The following RNF212B variants were observed in gnomAD, a reference collection of about 807,000 sequenced individuals.
The protein encoded by RNF212B is E3 ubiquitin-protein ligase RNF212B.
In RNF212B, 52 loss-of-function variants were observed where a neutral mutation model predicts 55.5. The ratio of observed to expected loss-of-function variants is 0.94; its 90% CI spans 0.75 to 1.18. The LOEUF is 1.18. Ranked by LOEUF, RNF212B falls within the 50% of genes most tolerant of loss-of-function variation. The probability of loss-of-function intolerance (pLI) is 0.00; values close to 1 mark genes in which losing one functional copy is unlikely to be tolerated. For missense variants in RNF212B, 289 were observed against 350.4 expected, an observed-to-expected ratio of 0.82 and a Z score of 1.40; for synonymous variants, 99 against 121.4, an observed-to-expected ratio of 0.82 and a Z score of 1.21.
At chr14:23,243,377 TAC>T in intron 3 of RNF212B, 69 bp downstream of exon 3, 1 of 1,277,536 alleles carries the variant, frequency 7.8e-7, no homozygotes, top group Non-Finnish European at 1.1e-6. Context: ...ATATACAAAG[TAC>T]AGATGATGAA....
chr14:23,240,727 C>A (rs1246119979), intron 2 of RNF212B, among the ~76,000 whole-genome samples: 3 of 152,122 alleles, frequency 2.0e-5, no homozygotes, highest in Non-Finnish European at 4.4e-5. Context: ...GCATCAGATT[C>A]TTCAGGGAAA....
At chr14:23,229,730 T>C (rs1882389541) in intron 2 of RNF212B, among the ~76,000 whole-genome samples, 1 of 152,328 alleles carries the variant, frequency 6.6e-6, no homozygotes. Flanking sequence ...TTTAATTGGG[T>C]TGTTTGACTT....
intron 2 of RNF212B, among the ~76,000 whole-genome samples, chr14:23,228,319 A>G (rs963847213): frequency 6.6e-6 from 1 of 151,680 alleles, no homozygotes; most frequent in Non-Finnish European, 1.5e-5. Context: ...GAATGGTCAA[A>G]GCAACTCTGC....
chr14:23,194,129 A>T (rs1878403353), intron 2 of RNF212B, among the ~76,000 whole-genome samples: 2 of 152,234 alleles, frequency 1.3e-5, no homozygotes, highest in East Asian at 3.9e-4. Flanking sequence ...GGCATGAGCC[A>T]CCATTCCTGG....
intron 2 of RNF212B, among the ~76,000 whole-genome samples, chr14:23,204,604 C>CTGTTTTGGTGACT (rs1879653190): frequency 6.6e-6 from 1 of 152,142 alleles, no homozygotes; most frequent in Non-Finnish European, 1.5e-5. Flanking sequence ...ATACCAGTAC[C>CTGTTTTGGTGACT]ATGCTGTTTT....
chr14:23,238,541 AAC>A (rs755510984), intron 1 of RNF212B, among the ~76,000 whole-genome samples: 2 of 151,846 alleles, frequency 1.3e-5, no homozygotes, highest in Non-Finnish European at 2.9e-5. Context: ...CAGCCTGGGT[AAC>A]ACAGAGAGGC....
intron 12 of RNF212B, among the ~76,000 whole-genome samples, chr14:23,269,489 C>T (rs926588828): frequency 2.6e-5 from 4 of 152,038 alleles, no homozygotes; most frequent in East Asian, 1.9e-4. Flanking sequence ...CCTAGCACTT[C>T]GGGAGGCTAA....
intron 2 of RNF212B, among the ~76,000 whole-genome samples, chr14:23,229,295 C>CATTTGTGT (rs1444793538): frequency 2.4e-5 from 3 of 125,584 alleles, no homozygotes; most frequent in African/African-American, 8.8e-5. Context: ...TACTAATGGA[C>CATTTGTGT]ATTTGTGTTG....
At chr14:23,226,330 T>G (rs1000367548) in intron 2 of RNF212B, among the ~76,000 whole-genome samples, 3 of 124,038 alleles carry the variant, frequency 2.4e-5, no homozygotes, top group African/African-American at 6.1e-5. Flanking sequence ...AATAAATAAA[T>G]AAATAAATAG....
chr14:23,214,788 G>A (rs1220241077), intron 2 of RNF212B, among the ~76,000 whole-genome samples: 1 of 151,582 alleles, frequency 6.6e-6, no homozygotes, highest in Non-Finnish European at 1.5e-5. Flanking sequence ...AAAAAGAGGA[G>A]AAAAAATGAA....
At chr14:23,190,415 A>G (rs956159435) in intron 1 of RNF212B, among the ~76,000 whole-genome samples, 5 of 152,126 alleles carry the variant, frequency 3.3e-5, no homozygotes, top group African/African-American at 7.2e-5. Context: ...AGTATTCCCC[A>G]CTTTAGTAAA....
exon 2 of RNF212B, chr14:23,193,383 C>T (rs1051439395): frequency 6.6e-6 from 1 of 152,108 alleles, no homozygotes; most frequent in Admixed American, 6.5e-5. Context: ...AGGAAGAAGA[C>T]CCTGAGTTCA....
chr14:23,269,822 C>T, intron 12 of RNF212B, 41 bp from the exon 13 acceptor site: 1 of 1,125,546 alleles, frequency 8.9e-7, no homozygotes, highest in South Asian at 1.3e-5. Flanking sequence ...TTACCTTTAC[C>T]TGTCCTTTTC....
chr14:23,243,287 G>A lies in RNF212B; in HGVS notation c.132G>A (p.Lys44=). ...GTGCTGTTTGTGGAACTGCCTGCAA[G>A]CATCTGGCTCTTTCTGATAATGTAA... The part of the protein sequence containing the change: ...EKCAVCGTAC[K]HLALSDNLKP... The change falls in exon 3 of 15, where the codon AAG becomes AAA. Residue 44 remains lysine (K), a synonymous_variant. Coordinates refer to ENST00000430154, the MANE Select transcript of RNF212B (RefSeq NM_001282322.3). The A allele has an allele frequency of 6.5e-7, 1 of 1,550,300 alleles. No homozygotes were observed. The highest frequency in any genetic ancestry group is 8.7e-7 in the Non-Finnish European group (1 of 1,146,974).
intron 1 of RNF212B, among the ~76,000 whole-genome samples, chr14:23,239,682 G>A (rs936493622): frequency 1.3e-5 from 2 of 151,330 alleles, no homozygotes; most frequent in South Asian, 2.1e-4. Flanking sequence ...GCAATGGCAC[G>A]GTCTCAGCTC....
intron 2 of RNF212B, among the ~76,000 whole-genome samples, chr14:23,202,010 T>C (rs1237313376): frequency 6.6e-6 from 1 of 151,920 alleles, no homozygotes. Flanking sequence ...CAGCACTTTG[T>C]GAGGCCGAGG....
chr14:23,240,716 G>A lies in RNF212B; in HGVS notation c.100+271G>A, dbSNP rs17199051. Among the ~76,000 whole-genome samples, 1,462 of 152,272 alleles carry A rather than the reference G, an allele frequency of 9.6e-3. 15 individuals carry two copies. Among genetic ancestry groups the A allele is most frequent in the Non-Finnish European group, 0.016 (1,086 of 68,014 alleles). On this transcript the variant is annotated intron_variant, in intron 2 of 14. Transcript: ENST00000430154. ...TGAAGTCTGGCAGGGAAAGCCACAAGGCATCAGATTCTTCAGGGAAAAGAG... is the reference window on the plus strand; with the variant it reads ...TGAAGTCTGGCAGGGAAAGCCACAAAGCATCAGATTCTTCAGGGAAAAGAG...
chr14:23,190,374 G>A (rs1403943181), intron 1 of RNF212B, among the ~76,000 whole-genome samples: 5 of 152,150 alleles, frequency 3.3e-5, no homozygotes, highest in Non-Finnish European at 2.9e-5. Context: ...AAGAGAGTGC[G>A]TGCTTTCCGC....
At chr14:23,233,237 CT>C (rs1882844116), upstream of RNF212B, among the ~76,000 whole-genome samples, 1 of 152,054 alleles carries the variant, frequency 6.6e-6, no homozygotes, top group Non-Finnish European at 1.5e-5. Context: ...TCACCACTCC[CT>C]AATCTCAAGT....
Sources: gnomAD v4.1 joint callset for allele counts (sites outside exome capture counted in the v4.1 genomes callset) on GRCh38, gnomAD v4.1.1 for gene constraint, MANE v1.5 for transcripts, NCBI Gene and HGNC (gene_info 2026-07-23, HGNC 2026-07-21) for gene names.